Variants in SRRM4 observed in about 807,000 individuals in gnomAD.
SRRM4 encodes serine/arginine repetitive matrix protein 4.
SRRM4 carries 33 observed loss-of-function variants against 68.9 expected under a neutral mutation model. That is an observed-to-expected ratio of 0.48 (90% CI 0.36 to 0.64). SRRM4 has a LOEUF of 0.64. Among genes scored for constraint, SRRM4 ranks in the 30% least tolerant of loss-of-function variants. SRRM4 has a pLI of 0.00. For synonymous variants in SRRM4, 318 were observed against 318.8 expected (o/e 1.00, Z 0.03); for missense variants, 817 against 827.1 (o/e 0.99, Z 0.15).
At chr12:119,111,598 C>T (rs76891460) in intron 2 of SRRM4, among the ~76,000 whole-genome samples, 15,355 of 152,128 alleles carry the variant, frequency 0.1, 932 homozygotes, top group East Asian at 0.26. Flanking sequence ...TTTTTCCCCA[C>T]TCAAATTCCC....
At chr12:119,100,321 T>C (rs1347033901) in intron 1 of SRRM4, among the ~76,000 whole-genome samples, 1 of 49,118 alleles carries the variant, frequency 2.0e-5, no homozygotes, top group Non-Finnish European at 4.1e-5. Context: ...TGGGACCCTG[T>C]CTCTACAAAA....
In SRRM4 at chr12:119,137,238, C is replaced by A. The variant is rs547767134; in HGVS notation, c.771+6404C>A. On this transcript the variant is annotated intron_variant, in intron 8 of 12. Transcript: ENST00000267260. ...TGTATAGCCGCCTCTCTCTATGGGG[C>A]CATTTGAAGCTCAGTAAATGGACTT... 5.9e-5 allele frequency among the ~76,000 whole-genome samples: 9 copies of A among 152,074 alleles called. No individual in the cohort carries two copies. In the East Asian group the frequency reaches 7.7e-4, roughly 13 times the overall value.
intron 1 of SRRM4, among the ~76,000 whole-genome samples, chr12:118,993,703 C>T (rs937036361): frequency 5.3e-5 from 8 of 152,160 alleles, no homozygotes; most frequent in Non-Finnish European, 1.2e-4. Flanking sequence ...GTAGCCCAAC[C>T]CTCCCTAACT....
intron 8 of SRRM4, among the ~76,000 whole-genome samples, chr12:119,136,926 T>C (rs1336693424): frequency 6.6e-6 from 1 of 152,182 alleles, no homozygotes; most frequent in Non-Finnish European, 1.5e-5. Flanking sequence ...TAAAGGACTT[T>C]GTTGTCTTCC....
intron 9 of SRRM4, 30 bp from the exon 10 acceptor site, chr12:119,150,987 C>T (rs777337571): frequency 7.5e-6 from 12 of 1,605,462 alleles, no homozygotes; most frequent in East Asian, 2.2e-5. Flanking sequence ...AGTGGGCAGT[C>T]GGTGCTCATG....
chr12:119,040,859 C>T (rs1953663885), intron 1 of SRRM4, among the ~76,000 whole-genome samples: 3 of 152,124 alleles, frequency 2.0e-5, no homozygotes, highest in Admixed American at 2.0e-4. Context: ...AAGCAATTCT[C>T]CTGCCTCAGC....
At chr12:119,036,600 A>G (rs1953628844) in intron 1 of SRRM4, among the ~76,000 whole-genome samples, 1 of 152,192 alleles carries the variant, frequency 6.6e-6, no homozygotes, top group African/African-American at 2.4e-5. Flanking sequence ...TCTCAGTGGC[A>G]GTTTGAGGAC....
At chr12:119,036,715 AG>A (rs1386697419) in intron 1 of SRRM4, 2 of 152,384 alleles carry the variant, frequency 1.3e-5, no homozygotes, top group African/African-American at 4.8e-5. Context: ...GGGAGAAGGA[AG>A]GGGGAAAAGA....
chr12:119,046,172 TC>T (rs1416443407), intron 1 of SRRM4, among the ~76,000 whole-genome samples: 5 of 152,208 alleles, frequency 3.3e-5, no homozygotes, highest in Non-Finnish European at 5.9e-5. Flanking sequence ...CTTGATCTCT[TC>T]TCAGCCTGGG....
At chr12:119,059,969 T>G (rs534936076) in intron 1 of SRRM4, among the ~76,000 whole-genome samples, 16 of 152,170 alleles carry the variant, frequency 1.1e-4, no homozygotes, top group Non-Finnish European at 2.4e-4. Flanking sequence ...AGTTCTCTGC[T>G]TCATGTCAAT....
At chr12:119,129,487 G>A (rs1309374053) in intron 7 of SRRM4, among the ~76,000 whole-genome samples, 1 of 152,086 alleles carries the variant, frequency 6.6e-6, no homozygotes, top group Non-Finnish European at 1.5e-5. Context: ...TTATTTCACA[G>A]ATGGCAAAGT....
At position 119,161,519 on chromosome 12, in the gene SRRM4, T is replaced by C. The variant is rs921250898; in HGVS notation, c.*4721T>C. Reference sequence around the variant, plus strand: ...TTCTTTTGATGGCTGTTGTTTTGCATTGTAAATACCATGATGGGGGACCCC... The same window carrying C: ...TTCTTTTGATGGCTGTTGTTTTGCACTGTAAATACCATGATGGGGGACCCC... On this transcript the variant is annotated 3_prime_UTR_variant, in exon 13 of 13. Transcript: ENST00000267260. 4 of 152,238 alleles carry C rather than the reference T, an allele frequency of 2.6e-5. No individual in the cohort carries two copies. Among genetic ancestry groups the C allele is most frequent in the Admixed American group, 1.3e-4 (2 of 15,284 alleles). The allele number at this position is 152,238 out of a possible 1,614,324, so 9.4% of individuals were successfully genotyped here.
chr12:119,090,872 G>A (rs574476392), intron 1 of SRRM4, among the ~76,000 whole-genome samples: 4 of 152,312 alleles, frequency 2.6e-5, no homozygotes, highest in African/African-American at 9.6e-5. Context: ...AACCCAGGAG[G>A]AGAGACAAGG....
At chr12:119,066,445 C>A (rs1454494905) in intron 1 of SRRM4, among the ~76,000 whole-genome samples, 1 of 152,202 alleles carries the variant, frequency 6.6e-6, no homozygotes, top group African/African-American at 2.4e-5. Context: ...ACTACTGGGT[C>A]TGAAAATGTG....
Position 119,153,632 on chromosome 12 carries a change from C to T in SRRM4, c.1374C>T (p.Ser458=), listed in dbSNP as rs764390535. 5.8e-6 allele frequency: 9 copies of T among 1,557,592 alleles called. No individual in the cohort carries two copies. In the South Asian group the frequency reaches 1.1e-4, roughly 18 times the overall value. ...GGTCCCGCCGCAGCCCTAGCTACTCCCGCTACAGCCCCAGCAGGTACCGGC... is the reference window on the plus strand; with the variant it reads ...GGTCCCGCCGCAGCCCTAGCTACTCTCGCTACAGCCCCAGCAGGTACCGGC... ...SSRSRRSPSY[S]RYSPSRERDP... is the part of the protein sequence containing the mutation. The change falls in exon 11 of 13, where the codon TCC becomes TCT. Residue 458 remains serine, a synonymous_variant. Coordinates refer to ENST00000267260, the MANE Select transcript of SRRM4 (RefSeq NM_194286.4).
At chr12:119,130,278 G>A (rs558972580) in intron 7 of SRRM4, among the ~76,000 whole-genome samples, 41 of 151,510 alleles carry the variant, frequency 2.7e-4, no homozygotes, top group Non-Finnish European at 5.7e-4. Flanking sequence ...CTGGATAGAT[G>A]GTTGCTTAGA....
intron 1 of SRRM4, among the ~76,000 whole-genome samples, chr12:119,078,945 A>AAAAATAT (rs1438352903): frequency 6.6e-6 from 1 of 152,170 alleles, no homozygotes; most frequent in Non-Finnish European, 1.5e-5. Flanking sequence ...ATAAAAAATA[A>AAAAATAT]AAAGGTGAAA....
chr12:119,127,803 G>A (rs1954271045), intron 7 of SRRM4, among the ~76,000 whole-genome samples: 1 of 152,014 alleles, frequency 6.6e-6, no homozygotes, highest in Non-Finnish European at 1.5e-5. Flanking sequence ...AGGAGAAAGA[G>A]GAGGCAGGAG....
chr12:119,120,025 G>A (rs192629092), intron 4 of SRRM4, among the ~76,000 whole-genome samples: 8 of 151,656 alleles, frequency 5.3e-5, no homozygotes, highest in South Asian at 4.2e-4. Context: ...CCCCTGTAGC[G>A]TGATCACAAA....
Sources: gnomAD v4.1 joint callset for allele counts (sites outside exome capture counted in the v4.1 genomes callset) on GRCh38, gnomAD v4.1.1 for gene constraint, MANE v1.5 for transcripts, NCBI Gene and HGNC (gene_info 2026-07-23, HGNC 2026-07-21) for gene names.